SGCD: variants seen among roughly 807,000 people sequenced by gnomAD.
SGCD encodes delta-sarcoglycan.
Under a neutral mutation model 36.6 loss-of-function variants are expected in SGCD, and 18 were observed. That is an observed-to-expected ratio of 0.49 (90% CI 0.34 to 0.73). SGCD has a LOEUF of 0.73. Ranked by LOEUF, SGCD falls within the 30% of genes least tolerant of loss-of-function variation. The pLI is 0.01. For missense variants in SGCD, 387 were observed against 346.7 expected, an observed-to-expected ratio of 1.12 and a Z score of -0.92; for synonymous variants, 133 against 130.6, an observed-to-expected ratio of 1.02 and a Z score of -0.12.
At position 155,999,465 on chromosome 5, in the gene SGCD, A is replaced by G. The variant is rs1758620097; in HGVS notation, c.-281-118413A>G. On this transcript the variant is annotated intron_variant, in intron 1 of 9. Transcript: ENST00000517913. ...TCCTTTTAAACTGGGGAGTTCAATC[A>G]TTTGTTTTTCTTTCACTTATTCAAC... is the stretch of plus-strand genomic sequence containing the variant. 2.0e-5 allele frequency among the ~76,000 whole-genome samples: 3 copies of G among 152,172 alleles called. 1 individual carries two copies. The South Asian group carries it at 6.2e-4, about 32-fold the overall frequency.
chr5:156,618,203 C>G (rs1762092914), intron 6 of SGCD, among the ~76,000 whole-genome samples: 1 of 152,074 alleles, frequency 6.6e-6, no homozygotes, highest in Non-Finnish European at 1.5e-5. Context: ...GAAATGAGAG[C>G]CTACGAATCT....
At chr5:156,711,494 C>T (rs73302871) in intron 7 of SGCD, among the ~76,000 whole-genome samples, 5,668 of 152,210 alleles carry the variant, frequency 0.037, 314 homozygotes, top group African/African-American at 0.12. Context: ...TCAGTATCAA[C>T]GTAAGTACTT....
chr5:156,604,345 C>T (rs1761327780), intron 6 of SGCD, among the ~76,000 whole-genome samples: 1 of 151,836 alleles, frequency 6.6e-6, no homozygotes, highest in Non-Finnish European at 1.5e-5. Context: ...TCCATTCAGT[C>T]ACTGTATATA....
At chr5:156,288,045 A>G (rs569412971) in intron 3 of SGCD, among the ~76,000 whole-genome samples, 2 of 152,332 alleles carry the variant, frequency 1.3e-5, no homozygotes, top group Non-Finnish European at 2.9e-5. Flanking sequence ...GAGGACTAAG[A>G]GAACCTAAAA....
chr5:156,213,127 T>C (rs1419598336), intron 3 of SGCD, among the ~76,000 whole-genome samples: 4 of 151,772 alleles, frequency 2.6e-5, no homozygotes, highest in African/African-American at 4.8e-5. Flanking sequence ...TTAAAGTTAG[T>C]AGAAGGAAGG....
the SGCD span, among the ~76,000 whole-genome samples, chr5:155,754,440 A>G: frequency 6.6e-6 from 1 of 152,224 alleles, no homozygotes; most frequent in African/African-American, 2.4e-5. Context: ...TAAGAGTACA[A>G]GAGTTACAGA....
intron 3 of SGCD, among the ~76,000 whole-genome samples, chr5:156,214,975 A>G (rs1245520247): frequency 1.3e-5 from 2 of 152,066 alleles, no homozygotes; most frequent in African/African-American, 4.8e-5. Flanking sequence ...TAAATGTAAG[A>G]CCTAAAACTG....
intron 3 of SGCD, among the ~76,000 whole-genome samples, chr5:156,349,508 A>G (rs1769123721): frequency 6.6e-6 from 1 of 152,086 alleles, no homozygotes; most frequent in Non-Finnish European, 1.5e-5. Context: ...CAACAGATCT[A>G]ATCATTAGAG....
intron 4 of SGCD, among the ~76,000 whole-genome samples, chr5:156,551,923 C>A (rs1758813114): frequency 1.3e-5 from 2 of 152,178 alleles, no homozygotes; most frequent in East Asian, 1.9e-4. Flanking sequence ...CTCCAGAAAG[C>A]CTTTTCTAAC....
intron 1 of SGCD, among the ~76,000 whole-genome samples, chr5:155,924,523 G>T (rs1479097811): frequency 6.6e-6 from 1 of 152,170 alleles, no homozygotes; most frequent in Non-Finnish European, 1.5e-5. Context: ...GCGTATAGTT[G>T]GGTAGATAAA....
chr5:156,232,846 C>T lies in SGCD; in HGVS notation c.-43-96688C>T, dbSNP rs369334289. ...GTTCCTGCTGTACATTCCCCTACTT[C>T]CCCAGTGTTTTAACTTTCATTAAAA... On this transcript the variant is annotated intron_variant, in intron 3 of 9. Transcript: ENST00000517913. 2.6e-4 allele frequency among the ~76,000 whole-genome samples: 39 copies of T among 152,280 alleles called. No individual in the cohort carries two copies. In the East Asian group the frequency reaches 5.6e-3, roughly 22 times the overall value.
chr5:156,304,969 A>G (rs1192706446), intron 3 of SGCD, among the ~76,000 whole-genome samples: 1 of 152,208 alleles, frequency 6.6e-6, no homozygotes, highest in African/African-American at 2.4e-5. Flanking sequence ...AGAAATTTCT[A>G]AGCAGCAAAG....
At chr5:155,827,954 G>C in the SGCD span, among the ~76,000 whole-genome samples, 2 of 150,434 alleles carry the variant, frequency 1.3e-5, no homozygotes, top group Admixed American at 6.7e-5. Context: ...GCCTCCCAAA[G>C]TGCTGAGATT....
chr5:155,907,068 C>G (rs1016159126), intron 1 of SGCD, among the ~76,000 whole-genome samples: 1 of 152,128 alleles, frequency 6.6e-6, no homozygotes, highest in Non-Finnish European at 1.5e-5. Flanking sequence ...ATTTGCCATA[C>G]TGAAAATCCT....
intron 3 of SGCD, among the ~76,000 whole-genome samples, chr5:156,473,565 A>G (rs1399872847): frequency 1.3e-5 from 2 of 152,254 alleles, no homozygotes; most frequent in East Asian, 1.9e-4. Context: ...CACAGAAAGA[A>G]GAACCATAGA....
chr5:155,733,545 T>C, the SGCD span, among the ~76,000 whole-genome samples: 1 of 152,194 alleles, frequency 6.6e-6, no homozygotes, highest in African/African-American at 2.4e-5. Flanking sequence ...CTGATACATG[T>C]ATTTTAAATA....
intron 4 of SGCD, among the ~76,000 whole-genome samples, chr5:156,528,186 T>C (rs1026113278): frequency 6.6e-6 from 1 of 152,212 alleles, no homozygotes. Flanking sequence ...CACCATTTAC[T>C]AGCCTTGTAA....
intron 3 of SGCD, among the ~76,000 whole-genome samples, chr5:156,374,450 C>T (rs1174115252): frequency 6.6e-6 from 1 of 152,056 alleles, no homozygotes; most frequent in Admixed American, 6.6e-5. Flanking sequence ...TCTTGGTCAT[C>T]AGCTATTGAG....
At chr5:156,586,402 G>A (rs1056362854) in intron 4 of SGCD, among the ~76,000 whole-genome samples, 1 of 152,116 alleles carries the variant, frequency 6.6e-6, no homozygotes, top group African/African-American at 2.4e-5. Context: ...AGCTGGCTGA[G>A]GTAGTGTTGG....
Sources: gnomAD v4.1 joint callset for allele counts (sites outside exome capture counted in the v4.1 genomes callset) on GRCh38, gnomAD v4.1.1 for gene constraint, MANE v1.5 for transcripts, NCBI Gene and HGNC (gene_info 2026-07-23, HGNC 2026-07-21) for gene names.